The following DLGAP2 variants were observed in gnomAD, a reference collection of about 807,000 sequenced individuals.
The protein encoded by DLGAP2 is disks large-associated protein 2.
A neutral mutation model predicts 100.3 loss-of-function variants in DLGAP2; 26 were observed. The observed-to-expected ratio is 0.26, with a 90% confidence interval of 0.19 to 0.36. The LOEUF (loss-of-function observed/expected upper bound fraction) is 0.36. Ranked by LOEUF, DLGAP2 falls within the 10% of genes least tolerant of loss-of-function variation. The pLI, the probability that DLGAP2 is intolerant of heterozygous loss-of-function variation, is 1.00. For synonymous variants in DLGAP2, 886 were observed against 630.1 expected (o/e 1.41, Z -6.08); for missense variants, 1,858 against 1,453.2 (o/e 1.28, Z -4.53).
chr8:771,620 G>A (rs1206118445), intron 1 of DLGAP2, among the ~76,000 whole-genome samples: 2 of 152,232 alleles, frequency 1.3e-5, no homozygotes, highest in African/African-American at 2.4e-5. Flanking sequence ...TTAGTTAAGA[G>A]TAATGGTCAC....
intron 2 of DLGAP2, among the ~76,000 whole-genome samples, chr8:948,558 C>T (rs1440375571): frequency 1.3e-5 from 2 of 152,360 alleles, no homozygotes; most frequent in Non-Finnish European, 1.5e-5. Context: ...CCCACGGGGC[C>T]TGAGTGCAGA....
At chr8:1,227,348 TC>T (rs569470802) in intron 2 of DLGAP2, among the ~76,000 whole-genome samples, 17 of 151,410 alleles carry the variant, frequency 1.1e-4, no homozygotes, top group South Asian at 2.1e-4. Flanking sequence ...ATTTTTTTTT[TC>T]TGAAATAAGA....
chr8:1,048,591 G>A (rs1802583752), intron 2 of DLGAP2, among the ~76,000 whole-genome samples: 1 of 151,586 alleles, frequency 6.6e-6, no homozygotes, highest in African/African-American at 2.4e-5. Context: ...GTACAATGGT[G>A]AATACTTGGT....
chr8:853,084 G>C (rs988402239), intron 1 of DLGAP2, among the ~76,000 whole-genome samples: 5 of 152,358 alleles, frequency 3.3e-5, no homozygotes, highest in African/African-American at 1.2e-4. Flanking sequence ...CTGGGTGCTA[G>C]AGTATGAGTC....
intron 1 of DLGAP2, among the ~76,000 whole-genome samples, chr8:800,651 C>CACATGCGTGTGCATGTGTGT (rs1297974313): frequency 6.6e-6 from 1 of 152,006 alleles, no homozygotes; most frequent in African/African-American, 2.4e-5. Context: ...TCTATGTGTG[C>CACATGCGTGTGCATGTGTGT]ACATGCGTGT....
At chr8:1,029,411 C>T (rs1379843013) in intron 2 of DLGAP2, among the ~76,000 whole-genome samples, 6 of 152,116 alleles carry the variant, frequency 3.9e-5, no homozygotes, top group South Asian at 2.1e-4. Flanking sequence ...GAAACTGGAG[C>T]GAGAGGCATC....
At chr8:1,288,749 TAGG>T (rs1402168437) in intron 3 of DLGAP2, among the ~76,000 whole-genome samples, 6 of 149,578 alleles carry the variant, frequency 4.0e-5, no homozygotes, top group East Asian at 2.0e-4. Flanking sequence ...GCGTGGTTGT[TAGG>T]AGGGGAACTA....
At chr8:1,232,480 C>G (rs916699647) in intron 2 of DLGAP2, among the ~76,000 whole-genome samples, 1 of 152,340 alleles carries the variant, frequency 6.6e-6, no homozygotes, top group Non-Finnish European at 1.5e-5. Flanking sequence ...GAGGATGCCT[C>G]CTCCGTCTCG....
intron 4 of DLGAP2, among the ~76,000 whole-genome samples, chr8:1,501,807 C>T (rs1035127149): frequency 2.0e-4 from 31 of 152,312 alleles, no homozygotes; most frequent in African/African-American, 6.5e-4. Flanking sequence ...TGGCAGGAAG[C>T]AGCTCATCTC....
intron 3 of DLGAP2, among the ~76,000 whole-genome samples, chr8:1,304,725 G>A: frequency 6.6e-6 from 1 of 152,212 alleles, no homozygotes; most frequent in Non-Finnish European, 1.5e-5. Context: ...AAGCAAGCAG[G>A]GTAATTTATC....
intron 1 of DLGAP2, among the ~76,000 whole-genome samples, chr8:761,006 T>C (rs148504795): frequency 4.9e-4 from 75 of 152,304 alleles, no homozygotes; most frequent in African/African-American, 1.8e-3. Flanking sequence ...TCGGGGGACA[T>C]ATGAGGACTG....
At chr8:1,527,905 T>C (rs1392249044) in intron 4 of DLGAP2, among the ~76,000 whole-genome samples, 1 of 152,104 alleles carries the variant, frequency 6.6e-6, no homozygotes, top group African/African-American at 2.4e-5. Context: ...TGTTCAACTA[T>C]GCTTTTAAGT....
At position 1,258,854 on chromosome 8, in the gene DLGAP2, C is replaced by G; in HGVS notation, c.77C>G (p.Ser26Trp). 1.6e-6 allele frequency: 2 copies of G among 1,231,710 alleles called. No homozygotes were observed. The highest frequency in any genetic ancestry group is 1.5e-5 in the African/African-American group (1 of 64,546). The allele number at this position is 1,231,710 out of a possible 1,614,324, so 76.3% of individuals were successfully genotyped here. Reference sequence around the variant, plus strand: ...TTCTCTCTGTCTCTGTTTTCAGAGTCGCAGTGCACGCTCTGCGGGGAGCCG... The same window carrying G: ...TTCTCTCTGTCTCTGTTTTCAGAGTGGCAGTGCACGCTCTGCGGGGAGCCG... Reference protein sequence around the residue: ...CCILPDRNTESQCTLCGEPEE... With the variant: ...CCILPDRNTEWQCTLCGEPEE... Residue 26 changes from serine (S) to tryptophan (W), a missense_variant, in exon 3 of 15, where the codon TCG becomes TGG. Physicochemically the swap from Ser to Trp is radical, Grantham distance 177 (BLOSUM62 -3). Coordinates refer to ENST00000637795, the MANE Select transcript of DLGAP2 (RefSeq NM_001346810.2).
At chr8:1,055,427 A>G (rs17740640) in intron 2 of DLGAP2, among the ~76,000 whole-genome samples, 5,758 of 152,300 alleles carry the variant, frequency 0.038, 156 homozygotes, top group Non-Finnish European at 0.061. Context: ...TAAGATATCT[A>G]GGTTCCTTAC....
intron 2 of DLGAP2, among the ~76,000 whole-genome samples, chr8:1,231,946 T>C (rs1798544831): frequency 6.6e-6 from 1 of 152,018 alleles, no homozygotes; most frequent in Non-Finnish European, 1.5e-5. Flanking sequence ...TACCCCTGAA[T>C]GTAAAATCAA....
intron 3 of DLGAP2, among the ~76,000 whole-genome samples, chr8:1,445,000 G>C (rs1226309935): frequency 2.0e-5 from 3 of 150,522 alleles, no homozygotes; most frequent in Non-Finnish European, 4.4e-5. Context: ...TTGATCTCTT[G>C]ACCTTGTGAT....
At position 1,701,465 on chromosome 8, in the gene DLGAP2, C is replaced by A; in HGVS notation, c.*59C>A. 6.7e-7 allele frequency: 1 copy of A among 1,495,478 alleles called. No individual in the cohort carries two copies. The highest frequency in any genetic ancestry group is 9.0e-7 in the Non-Finnish European group (1 of 1,113,498). The allele number at this position is 1,495,478 out of a possible 1,614,324, so 92.6% of individuals were successfully genotyped here. ...CGCTTTCCCGGACGCTTGTGCAGCG[C>A]GGCGCCGCCCTGGTGGTTTCTGTCT... is the stretch of plus-strand genomic sequence containing the variant. On this transcript the variant is annotated 3_prime_UTR_variant, in exon 15 of 15. Transcript: ENST00000637795.
chr8:1,286,278 C>T (rs924763923), intron 3 of DLGAP2, among the ~76,000 whole-genome samples: 2 of 152,230 alleles, frequency 1.3e-5, no homozygotes, highest in Non-Finnish European at 2.9e-5. Context: ...GAGGCCTCCT[C>T]AGCCATGCAG....
At chr8:1,555,052 T>A (rs1801913198) in intron 5 of DLGAP2, among the ~76,000 whole-genome samples, 2 of 152,120 alleles carry the variant, frequency 1.3e-5, no homozygotes, top group African/African-American at 4.8e-5. Flanking sequence ...AAGGAGGGCT[T>A]TTGTTTTAAG....
Sources: allele counts gnomAD v4.1 joint callset (sites outside exome capture counted in the v4.1 genomes callset), GRCh38; gene constraint gnomAD v4.1.1; transcripts MANE v1.5; gene names NCBI Gene and HGNC (gene_info 2026-07-23, HGNC 2026-07-21).